The following AGBL1 variants were observed in gnomAD, a reference collection of about 807,000 sequenced individuals.
AGBL1 encodes cytosolic carboxypeptidase 4.
In AGBL1, 130 loss-of-function variants were observed where a neutral mutation model predicts 118.9. The ratio of observed to expected loss-of-function variants is 1.09; its 90% confidence interval spans 0.95 to 1.26. AGBL1 has a LOEUF of 1.26. AGBL1 is among the 50% of genes most tolerant of loss of function. AGBL1 has a pLI of 0.00. For missense variants in AGBL1, 1,584 were observed against 1,298.1 expected, an observed-to-expected ratio of 1.22 and a Z score of -3.38; for synonymous variants, 555 against 478.9, an observed-to-expected ratio of 1.16 and a Z score of -2.08.
At chr15:86,919,358 C>G (rs1301201808), downstream of AGBL1, among the ~76,000 whole-genome samples, 1 of 152,152 alleles carries the variant, frequency 6.6e-6, no homozygotes, top group Non-Finnish European at 1.5e-5. Flanking sequence ...GACAGCCTTA[C>G]CTGAGCCATG....
chr15:86,987,963 C>G (rs1263509778), intron 23 of AGBL1: 10 of 1,607,350 alleles, frequency 6.2e-6, no homozygotes, highest in Non-Finnish European at 8.5e-6. Context: ...CAATCTGTAC[C>G]ACTCATTTAT....
At chr15:86,422,851 T>C (rs2081810895) in intron 18 of AGBL1, among the ~76,000 whole-genome samples, 1 of 152,022 alleles carries the variant, frequency 6.6e-6, no homozygotes, top group South Asian at 2.1e-4. Context: ...CTAGAAGAAA[T>C]GGATACATTC....
At chr15:86,134,121 C>A (rs145094231) in intron 1 of AGBL1, among the ~76,000 whole-genome samples, 3 of 152,192 alleles carry the variant, frequency 2.0e-5, no homozygotes, top group African/African-American at 7.2e-5. Flanking sequence ...TGTGTGAAGA[C>A]AGAGAGCGGC....
intron 7 of AGBL1, among the ~76,000 whole-genome samples, chr15:86,255,690 G>T (rs755111904): frequency 6.6e-6 from 1 of 152,134 alleles, no homozygotes; most frequent in Non-Finnish European, 1.5e-5. Flanking sequence ...GCTGAGGCAG[G>T]ATAATTGCTT....
At chr15:86,769,171 G>GAGAGGGAGAGAGAGAGAGACAGAGAA (rs2078137287) in intron 22 of AGBL1, among the ~76,000 whole-genome samples, 5 of 118,532 alleles carry the variant, frequency 4.2e-5, no homozygotes, top group Non-Finnish European at 8.7e-5. Context: ...TTCTCATTTT[G>GAGAGGGAGAGAGAGAGAGACAGAGAA]AGAGGGAGAG....
intron 18 of AGBL1, among the ~76,000 whole-genome samples, chr15:86,512,907 T>C (rs1013304634): frequency 1.3e-5 from 2 of 151,506 alleles, no homozygotes; most frequent in Middle Eastern, 3.4e-3. Flanking sequence ...CCAGTTATTA[T>C]TTTTTTTAAA....
At chr15:86,689,268 A>C (rs567840085) in intron 22 of AGBL1, among the ~76,000 whole-genome samples, 13 of 152,080 alleles carry the variant, frequency 8.5e-5, no homozygotes, top group Admixed American at 2.6e-4. Flanking sequence ...TCTCAGCTTA[A>C]ATTTCACCAT....
chr15:86,121,352 A>G (rs1164054331), intron 1 of AGBL1, among the ~76,000 whole-genome samples: 1 of 152,232 alleles, frequency 6.6e-6, no homozygotes, highest in African/African-American at 2.4e-5. Context: ...AATATACACC[A>G]ATGTGGGTTA....
At chr15:86,990,334 G>A (rs1209294585) in intron 24 of AGBL1, among the ~76,000 whole-genome samples, 1 of 152,138 alleles carries the variant, frequency 6.6e-6, no homozygotes, top group Non-Finnish European at 1.5e-5. Context: ...GACCAACAAG[G>A]TGAAACCCTG....
chr15:86,427,718 A>G (rs1045187017), intron 18 of AGBL1, among the ~76,000 whole-genome samples: 15 of 152,216 alleles, frequency 9.9e-5, no homozygotes, highest in Non-Finnish European at 2.1e-4. Flanking sequence ...TGTAGATGAT[A>G]TATTATGTGG....
chr15:86,588,628 G>A (rs950662797), intron 21 of AGBL1, among the ~76,000 whole-genome samples: 4 of 152,170 alleles, frequency 2.6e-5, no homozygotes, highest in African/African-American at 9.7e-5. Flanking sequence ...CCCCTGGAGT[G>A]TGTGTCAGGG....
intron 22 of AGBL1, among the ~76,000 whole-genome samples, chr15:86,762,177 A>G (rs1028386174): frequency 6.6e-6 from 1 of 152,044 alleles, no homozygotes; most frequent in Admixed American, 6.6e-5. Context: ...ATGAGAACAC[A>G]TAGACACAAG....
At chr15:86,289,669 C>T (rs2079513458) in intron 16 of AGBL1, among the ~76,000 whole-genome samples, 1 of 152,154 alleles carries the variant, frequency 6.6e-6, no homozygotes, top group South Asian at 2.1e-4. Flanking sequence ...ACGTTCAAAG[C>T]CAAAAATTGC....
intron 22 of AGBL1, among the ~76,000 whole-genome samples, chr15:86,705,568 A>G (rs1410664634): frequency 6.6e-6 from 1 of 152,202 alleles, no homozygotes; most frequent in Non-Finnish European, 1.5e-5. Context: ...GAGTTAAATG[A>G]GCCAGCCACT....
rs373622465 is a variant in AGBL1, at chr15:86,954,998, A to G, written c.3222-32989A>G. ...TTGTAAGAGTGTAAGTTCAAGTGGT[A>G]CTACATAACTTCTCATACAGTATAA... is the stretch of plus-strand genomic sequence containing the variant. On this transcript the variant is annotated intron_variant, in intron 23 of 24. Transcript: ENST00000441037. 5.6e-4 allele frequency among the ~76,000 whole-genome samples: 86 copies of G among 152,220 alleles called. No individual in the cohort carries two copies. The South Asian group carries it at 0.017, about 29-fold the overall frequency.
At chr15:86,633,807 ATATAATGTATG>A (rs1406527665) in intron 21 of AGBL1, among the ~76,000 whole-genome samples, 15 of 5,180 alleles carry the variant, frequency 2.9e-3, no homozygotes, top group Non-Finnish European at 4.9e-3. Context: ...ATGTATATAT[ATATAATGTATG>A]TATATATATA....
chr15:86,209,588 G>C (rs980175866), intron 5 of AGBL1, among the ~76,000 whole-genome samples: 6 of 151,958 alleles, frequency 3.9e-5, no homozygotes, highest in Admixed American at 2.0e-4. Flanking sequence ...TGTCTCTTTT[G>C]ATCTTTGTTG....
At chr15:86,361,612 T>C (rs1383957932) in intron 17 of AGBL1, among the ~76,000 whole-genome samples, 1 of 152,114 alleles carries the variant, frequency 6.6e-6, no homozygotes, top group African/African-American at 2.4e-5. Flanking sequence ...GTTCACTTTA[T>C]ATATTTAGGT....
At chr15:86,579,674 G>A (rs1293492715) in intron 21 of AGBL1, among the ~76,000 whole-genome samples, 2 of 152,194 alleles carry the variant, frequency 1.3e-5, no homozygotes, top group Non-Finnish European at 2.9e-5. Context: ...GATTTAAAAA[G>A]AGGAGTAATG....
Sources: allele counts gnomAD v4.1 joint callset (sites outside exome capture counted in the v4.1 genomes callset), GRCh38; gene constraint gnomAD v4.1.1; transcripts MANE v1.5; gene names NCBI Gene and HGNC (gene_info 2026-07-23, HGNC 2026-07-21).